IL1RAPL1: variants seen among roughly 807,000 people sequenced by gnomAD.
IL1RAPL1 encodes the protein interleukin 1 receptor accessory protein like 1.
A neutral mutation model predicts 48.4 loss-of-function variants in IL1RAPL1; 3 were observed. The ratio of observed to expected loss-of-function variants is 0.06; its 90% CI spans 0.03 to 0.16. The LOEUF (loss-of-function observed/expected upper bound fraction) is 0.16, where lower values mean the gene tolerates loss of function less well. Ranked by LOEUF, IL1RAPL1 falls within the 10% of genes least tolerant of loss-of-function variation. The pLI is 1.00. For missense variants in IL1RAPL1, 349 were observed against 530.6 expected (o/e 0.66, Z 3.36); for synonymous variants, 185 against 187.7 (o/e 0.99, Z 0.12).
At chrX:29,654,387 C>G (rs1458101461) in intron 5 of IL1RAPL1, among the ~76,000 whole-genome samples, 1 of 111,581 alleles carries the variant, frequency 9.0e-6, no homozygotes, top group Non-Finnish European at 1.9e-5. Flanking sequence ...AAGACACACC[C>G]AAGACTGGGT....
Position 29,587,347 on chromosome X carries a change from A to G in IL1RAPL1, c.704-81083A>G, listed in dbSNP as rs191243947. 1.8e-4 allele frequency among the ~76,000 whole-genome samples: 17 copies of G among 95,531 alleles called. 1 individual carries two copies. The East Asian group carries it at 5.8e-3, about 33-fold the overall frequency. 83.0% of individuals were successfully genotyped at this position (95,531 alleles called of 115,157 possible). ...TAGAAGTCATAGAAACAGAGAGTAG[A>G]ATGGTGGTTACCAGGGGTTGAGGTT... On this transcript the variant is annotated intron_variant, in intron 5 of 10. Coordinates refer to ENST00000378993, the MANE Select transcript of IL1RAPL1 (RefSeq NM_014271.4).
chrX:29,924,560 C>T (rs1482913955), intron 8 of IL1RAPL1, among the ~76,000 whole-genome samples: 1 of 112,180 alleles, frequency 8.9e-6, no homozygotes, highest in East Asian at 2.8e-4. Context: ...TTTTAAATTA[C>T]AGTGATATTA....
At chrX:28,665,092 C>T (rs955939768) in intron 1 of IL1RAPL1, among the ~76,000 whole-genome samples, 4 of 111,482 alleles carry the variant, frequency 3.6e-5, no homozygotes, top group African/African-American at 6.5e-5. Flanking sequence ...GTGTGTACTC[C>T]GGTAAAGCAC....
rs191924497 is a variant in IL1RAPL1, at chrX:28,968,424, G to A, written c.82+178999G>A. On this transcript the variant is annotated intron_variant, in intron 2 of 10. Coordinates refer to ENST00000378993, the MANE Select transcript of IL1RAPL1 (RefSeq NM_014271.4). ...CTTATCATATGGAAGTTCTGGTCCCGCCACTTCCAGACTCTATGATCTCAG... is the reference window on the plus strand; with the variant it reads ...CTTATCATATGGAAGTTCTGGTCCCACCACTTCCAGACTCTATGATCTCAG... 1.8e-4 allele frequency among the ~76,000 whole-genome samples: 20 copies of A among 111,228 alleles called. No homozygotes were observed. The East Asian group carries it at 4.2e-3, about 24-fold the overall frequency.
chrX:29,471,099 A>G lies in IL1RAPL1; in HGVS notation c.703+71791A>G, dbSNP rs143258116. On this transcript the variant is annotated intron_variant, in intron 5 of 10. Transcript: ENST00000378993. ...TCAATCAATAGAAGTTTATTTACCC[A>G]AAGTCGAGAAAGTACCTTGGAAAAT... 8.4e-3 allele frequency among the ~76,000 whole-genome samples: 941 copies of G among 111,448 alleles called. 13 individuals are homozygous for G. The highest frequency in any genetic ancestry group is 0.029 in the African/African-American group (897 of 30,666).
chrX:29,765,245 C>CTTT (rs68094158), intron 6 of IL1RAPL1, among the ~76,000 whole-genome samples: 39 of 81,694 alleles, frequency 4.8e-4, no homozygotes, highest in African/African-American at 1.7e-3. Flanking sequence ...TAGTTCTAGG[C>CTTT]TTTTTTTTTT....
intron 2 of IL1RAPL1, among the ~76,000 whole-genome samples, chrX:29,091,438 T>C (rs1928089649): frequency 8.9e-6 from 1 of 112,094 alleles, no homozygotes; most frequent in Non-Finnish European, 1.9e-5. Context: ...GACAAAAACG[T>C]ACAGGACTGG....
intron 6 of IL1RAPL1, among the ~76,000 whole-genome samples, chrX:29,677,263 T>C (rs142082947): frequency 0.04 from 4,524 of 112,055 alleles, 220 homozygotes; most frequent in African/African-American, 0.14. Flanking sequence ...TGCTTTCATG[T>C]TAAAACACTT....
chrX:29,204,092 C>T (rs1362400573), intron 2 of IL1RAPL1, among the ~76,000 whole-genome samples: 2 of 111,192 alleles, frequency 1.8e-5, no homozygotes, highest in Admixed American at 9.7e-5. Context: ...TTTCTTCACC[C>T]ATTCACACAT....
At position 29,633,736 on chromosome X, in the gene IL1RAPL1, A is replaced by G. The variant is rs6630926; in HGVS notation, c.704-34694A>G. ...TCCTAGCGTCTAGTGTCTGTCAGCA[A>G]TCTTTGTTATTCATTGGCTTATAGA... is the stretch of plus-strand genomic sequence containing the variant. On this transcript the variant is annotated intron_variant, in intron 5 of 10. Transcript: ENST00000378993. Among the ~76,000 whole-genome samples, 232 of 111,446 alleles carry G rather than the reference A, an allele frequency of 2.1e-3. 5 individuals carry two copies. The East Asian group carries it at 0.06, about 29-fold the overall frequency.
intron 6 of IL1RAPL1, among the ~76,000 whole-genome samples, chrX:29,801,000 CA>C (rs781152873): frequency 0.11 from 199 of 1,738 alleles, 13 homozygotes; most frequent in African/African-American, 0.19. Context: ...AACTCCGTCT[CA>C]AAAAAAAAAA....
At chrX:29,827,971 T>C (rs1438711885) in intron 6 of IL1RAPL1, among the ~76,000 whole-genome samples, 1 of 112,099 alleles carries the variant, frequency 8.9e-6, no homozygotes, top group Non-Finnish European at 1.9e-5. Context: ...TACCATATTC[T>C]TTTCTAGAAA....
chrX:29,552,696 T>C (rs1169474999), intron 5 of IL1RAPL1, among the ~76,000 whole-genome samples: 1 of 110,860 alleles, frequency 9.0e-6, no homozygotes, highest in Non-Finnish European at 1.9e-5. Context: ...TAGCAATCCT[T>C]TTGTAAATGC....
At chrX:28,616,554 C>A (rs1328949511) in intron 1 of IL1RAPL1, among the ~76,000 whole-genome samples, 9 of 110,385 alleles carry the variant, frequency 8.2e-5, no homozygotes, top group Non-Finnish European at 1.5e-4. Flanking sequence ...CTGCCTCAGC[C>A]TCCCAAGTAG....
intron 6 of IL1RAPL1, among the ~76,000 whole-genome samples, chrX:29,741,947 A>AG (rs1328310622): frequency 2.8e-5 from 3 of 107,368 alleles, no homozygotes; most frequent in African/African-American, 1.0e-4. Flanking sequence ...AAAAAAAAAA[A>AG]AAAAAAAAGA....
chrX:29,316,516 T>C (rs1932770939), intron 3 of IL1RAPL1, among the ~76,000 whole-genome samples: 1 of 112,291 alleles, frequency 8.9e-6, no homozygotes, highest in South Asian at 3.7e-4. Context: ...CTGTAAAATA[T>C]TTTAGGCAGT....
chrX:29,617,503 G>A (rs894916339), intron 5 of IL1RAPL1, among the ~76,000 whole-genome samples: 3 of 111,943 alleles, frequency 2.7e-5, no homozygotes, highest in Non-Finnish European at 5.6e-5. Flanking sequence ...TGAATCTCTC[G>A]CAGTTTATTT....
At chrX:28,978,870 T>A (rs1294342074) in intron 2 of IL1RAPL1, among the ~76,000 whole-genome samples, 1 of 111,639 alleles carries the variant, frequency 9.0e-6, no homozygotes. Flanking sequence ...AGAGAAGTGA[T>A]GCCACGAAGG....
At chrX:29,920,142 G>T in intron 8 of IL1RAPL1, 48 bp downstream of exon 8, 1 of 1,189,404 alleles carries the variant, frequency 8.4e-7, no homozygotes, top group African/African-American at 1.7e-5. Context: ...TGTATGATGG[G>T]AGAAAAAATC....
Sources: gnomAD v4.1 joint callset for allele counts (sites outside exome capture counted in the v4.1 genomes callset) on GRCh38, gnomAD v4.1.1 for gene constraint, MANE v1.5 for transcripts, NCBI Gene and HGNC (gene_info 2026-07-23, HGNC 2026-07-21) for gene names.